The following SCARF1 variants were observed in gnomAD, a reference collection of about 807,000 sequenced individuals.
SCARF1 encodes acetyl LDL receptor.
Under a neutral mutation model 76.3 loss-of-function variants are expected in SCARF1, and 49 were observed. The ratio of observed to expected loss-of-function variants is 0.64; its 90% CI spans 0.51 to 0.81. The LOEUF is 0.81. Ranked by LOEUF, SCARF1 falls within the 40% of genes least tolerant of loss-of-function variation. SCARF1 has a pLI of 0.00. For synonymous variants in SCARF1, 495 were observed against 474.6 expected (o/e 1.04, Z -0.56); for missense variants, 1,098 against 1,143.9 (o/e 0.96, Z 0.58).
At position 1,643,040 on chromosome 17, in the gene SCARF1, T is replaced by C. The variant is rs114415419; in HGVS notation, c.791+402A>G. ...TCTCGTTCCTCTGCTTTGTATGTTT[T>C]TTGAGAGGAGCACCGCGAAGCCCTG... On this transcript the variant is annotated intron_variant, in intron 4 of 10. Transcript: ENST00000263071. 8.7e-4 allele frequency among the ~76,000 whole-genome samples: 133 copies of C among 152,260 alleles called. 1 individual carries two copies. Among genetic ancestry groups the C allele is most frequent in the African/African-American group, 3.1e-3 (127 of 41,540 alleles).
rs756814337 is a variant in SCARF1 at position 1,645,263 on chromosome 17, C to G, written c.102-24G>C. The stretch of plus-strand genomic sequence containing the variant: ...GGCTGTGGGGCAAAAAGGGGTCAGC[C>G]GGACATGGTGGGGGGTGCAGCCTGG... On this transcript the variant is annotated intron_variant, in intron 1 of 10. Coordinates refer to ENST00000263071, the MANE Select transcript of SCARF1 (RefSeq NM_003693.4). This position sits in a 1 kb window ranked among gnomAD's most constrained non-coding sequence, Gnocchi z 6.3. The G allele has an allele frequency of 1.2e-6, 2 of 1,611,498 alleles. No homozygotes were observed. Among genetic ancestry groups the G allele is most frequent in the African/African-American group, 2.7e-5 (2 of 74,844 alleles).
Position 1,645,653 on chromosome 17 carries a change from C to G in SCARF1, c.45G>C (p.Arg15=), listed in dbSNP as rs747902021. ...GGTCCAGCTCGGACCCCTGAGTCCCCCGAGTCCAGAGCAGCAGCAGCGGGA... is the reference window on the plus strand; with the variant it reads ...GGTCCAGCTCGGACCCCTGAGTCCCGCGAGTCCAGAGCAGCAGCAGCGGGA... ...LLLPLLLLWT[R]GTQGSELDPK... Residue 15 remains arginine (R), a synonymous_variant, in exon 1 of 11, where the codon CGG becomes CGC. Transcript: ENST00000263071. This position sits in a 1 kb window ranked among gnomAD's most constrained non-coding sequence, Gnocchi z 6.3. 6 of 1,608,772 alleles carry G rather than the reference C, an allele frequency of 3.7e-6. No individual in the cohort carries two copies. The highest frequency in any genetic ancestry group is 2.7e-5 in the African/African-American group (2 of 74,612).
In SCARF1 at chr17:1,634,409, G is replaced by T; in HGVS notation, c.*349C>A. ...GTCTCAAAAAAAAAAAAAAAAATTT[G>T]TTTAGCCAATCTTTTATCAGCAAAC... On this transcript the variant is annotated 3_prime_UTR_variant, in exon 11 of 11. Coordinates refer to ENST00000263071, the MANE Select transcript of SCARF1 (RefSeq NM_003693.4). The T allele has an allele frequency of 2.6e-6, 1 of 379,226 alleles. No homozygotes were observed. The highest frequency in any genetic ancestry group is 4.6e-6 in the Non-Finnish European group (1 of 216,220). The allele number at this position is 379,226 out of a possible 1,614,324, so 23.5% of individuals were successfully genotyped here. A position where few individuals can be genotyped will look rare whatever the true frequency, so the allele number is the denominator to read the frequency against.
chr17:1,636,148 C>T (rs1022130799), intron 10 of SCARF1, among the ~76,000 whole-genome samples: 11 of 152,290 alleles, frequency 7.2e-5, no homozygotes, highest in African/African-American at 2.4e-4. Context: ...TCGTCCCTGA[C>T]CCCAGTCACC....
chr17:1,643,887 C>A lies in SCARF1; in HGVS notation c.346G>T (p.Gly116Cys). 1 of 1,316,138 alleles carries A rather than the reference C, an allele frequency of 7.6e-7. No individual in the cohort carries two copies. Among genetic ancestry groups the A allele is most frequent in the South Asian group, 2.1e-5 (1 of 46,914 alleles). 81.5% of individuals were successfully genotyped at this position (1,316,138 alleles called of 1,614,324 possible). ...HPHGQCEPAT[G>C]ACQCQADRWG... ...CGGTCGGCCTGGCACTGGCACGCGCCCGTGGCTGGCTCGCACTGGCCGTGC... is the reference window on the plus strand; with the variant it reads ...CGGTCGGCCTGGCACTGGCACGCGCACGTGGCTGGCTCGCACTGGCCGTGC... Residue 116 changes from glycine to cysteine, a missense_variant, in exon 4 of 11, where the codon GGC becomes TGC. Gly to Cys is a radical substitution (Grantham distance 159). Coordinates refer to ENST00000263071, the MANE Select transcript of SCARF1 (RefSeq NM_003693.4).
In SCARF1 at chr17:1,645,638, G is replaced by A. The variant is rs751484235; in HGVS notation, c.60C>T (p.Ser20=). Residue 20 remains serine, a synonymous_variant, in exon 1 of 11, where the codon TCC becomes TCT. Coordinates refer to ENST00000263071, the MANE Select transcript of SCARF1 (RefSeq NM_003693.4). The surrounding 1 kb of genome is among the most constrained non-coding windows in gnomAD (Gnocchi z 6.3). The stretch of plus-strand genomic sequence containing the variant: ...CGTGCTGCCCTTTGGGGTCCAGCTC[G>A]GACCCCTGAGTCCCCCGAGTCCAGA... The part of the protein sequence containing the change: ...LLLWTRGTQG[S]ELDPKGQHVC... 13 of 1,608,486 alleles carry A rather than the reference G, an allele frequency of 8.1e-6. No homozygotes were observed. Among genetic ancestry groups the A allele is most frequent in the South Asian group, 5.5e-5 (5 of 90,724 alleles).
chr17:1,643,391 T>C, intron 4 of SCARF1, 51 bp downstream of exon 4: 1 of 620,274 alleles, frequency 1.6e-6, no homozygotes, highest in Non-Finnish European at 2.0e-6. Flanking sequence ...CCTGCTCACT[T>C]GTGTCCGCCC....
At position 1,645,639 on chromosome 17, in the gene SCARF1, G is replaced by T. The variant is rs1454177514; in HGVS notation, c.59C>A (p.Ser20Tyr). ...LLLWTRGTQG[S>Y]ELDPKGQHVC... ...GTGCTGCCCTTTGGGGTCCAGCTCG[G>T]ACCCCTGAGTCCCCCGAGTCCAGAG... The change falls in exon 1 of 11, where the codon TCC becomes TAC. Residue 20 changes from serine (S) to tyrosine (Y), a missense_variant. Ser to Tyr is a moderately radical substitution (Grantham distance 144, BLOSUM62 -2). Transcript: ENST00000263071. The surrounding 1 kb of genome is among the most constrained non-coding windows in gnomAD (Gnocchi z 6.3). The T allele has an allele frequency of 6.2e-7, 1 of 1,608,834 alleles. No homozygotes were observed. The highest frequency in any genetic ancestry group is 8.5e-7 in the Non-Finnish European group (1 of 1,179,460).
chr17:1,643,163 G>A (rs1458791860), intron 4 of SCARF1, among the ~76,000 whole-genome samples: 24 of 53,066 alleles, frequency 4.5e-4, no homozygotes, highest in Admixed American at 3.0e-3. Context: ...GTCCGCCTCC[G>A]CCCCCTCCCC....
intron 8 of SCARF1, chr17:1,638,569 A>C: frequency 2.7e-6 from 1 of 364,592 alleles, no homozygotes; most frequent in Non-Finnish European, 4.8e-6. Flanking sequence ...TCTCCAGGCC[A>C]CGGGCACTGC....
In SCARF1 at chr17:1,637,059, T is replaced by C; in HGVS notation, c.1368A>G (p.Pro456=). ...TGGACACGGTAGCTCCATCTCTCGC[T>C]GGCCTGAGGGAGGAGGGTAGGGACA... is the stretch of plus-strand genomic sequence containing the variant. ...WAPRSDLKDR[P]ARDGATVSRM... is the part of the protein sequence containing the mutation. Residue 456 remains proline (P), a synonymous_variant, in exon 9 of 11, where the codon CCA becomes CCG. Coordinates refer to ENST00000263071, the MANE Select transcript of SCARF1 (RefSeq NM_003693.4). 1 of 1,613,908 alleles carries C rather than the reference T, an allele frequency of 6.2e-7. No homozygotes were observed. Among genetic ancestry groups the C allele is most frequent in the South Asian group, 1.1e-5 (1 of 91,074 alleles).
chr17:1,645,271 G>A lies in SCARF1; in HGVS notation c.102-32C>T. Reference sequence around the variant, plus strand: ...GGCAAAAAGGGGTCAGCCGGACATGGTGGGGGGTGCAGCCTGGCCCTGAGG... The same window carrying A: ...GGCAAAAAGGGGTCAGCCGGACATGATGGGGGGTGCAGCCTGGCCCTGAGG... On this transcript the variant is annotated intron_variant, in intron 1 of 10. Transcript: ENST00000263071. The surrounding 1 kb of genome is among the most constrained non-coding windows in gnomAD (Gnocchi z 6.3). 1 of 1,610,274 alleles carries A rather than the reference G, an allele frequency of 6.2e-7. No homozygotes were observed. The highest frequency in any genetic ancestry group is 8.5e-7 in the Non-Finnish European group (1 of 1,179,084).
intron 3 of SCARF1, 25 bp from the exon 4 acceptor site, chr17:1,643,992 T>A (rs1910321933): frequency 6.5e-5 from 85 of 1,303,124 alleles, no homozygotes; most frequent in Non-Finnish European, 8.3e-5. Flanking sequence ...ACGGGAGGGG[T>A]CAGCGGGCTC....
chr17:1,638,653 C>G, intron 8 of SCARF1, 153 bp downstream of exon 8: 1 of 1,063,540 alleles, frequency 9.4e-7, no homozygotes, highest in Non-Finnish European at 1.3e-6. Flanking sequence ...CTCTGACCCA[C>G]GGGGGCGACA....
intron 4 of SCARF1, among the ~76,000 whole-genome samples, chr17:1,642,250 C>T (rs1051943670): frequency 4.0e-5 from 6 of 151,438 alleles, no homozygotes; most frequent in South Asian, 2.1e-4. Flanking sequence ...TAGTTACATA[C>T]GTATACATGT....
rs1445185000 is a variant in SCARF1, at chr17:1,640,386, G to A, written c.1010+62C>T. On this transcript the variant is annotated intron_variant, in intron 5 of 10. Coordinates refer to ENST00000263071, the MANE Select transcript of SCARF1 (RefSeq NM_003693.4). The surrounding 1 kb of genome is among the most constrained non-coding windows in gnomAD (Gnocchi z 4.7). ...GGGGAGGGTGGTGCTCTCGGAGAGA[G>A]CCGCTGAGCTGAGGGTCCTGGGGGA... 7.0e-6 allele frequency: 10 copies of A among 1,424,276 alleles called. No individual in the cohort carries two copies. Among genetic ancestry groups the A allele is most frequent in the Non-Finnish European group, 9.6e-6 (10 of 1,041,948 alleles). 88.2% of individuals were successfully genotyped at this position (1,424,276 alleles called of 1,614,324 possible). A position where few individuals can be genotyped will look rare whatever the true frequency, so the allele number is the denominator to read the frequency against.
In SCARF1 at chr17:1,644,663, C is replaced by CCCGGGAGATGACCTGAGTCA; in HGVS notation, c.265+170_265+171insTGACTCAGGTCATCTCCCGG. On this transcript the variant is annotated intron_variant, in intron 3 of 10. Coordinates refer to ENST00000263071, the MANE Select transcript of SCARF1 (RefSeq NM_003693.4). The surrounding 1 kb of genome is among the most constrained non-coding windows in gnomAD (Gnocchi z 4.8). ...AAAAACCCGGTGACTCAGGTCATCT[C>CCCGGGAGATGACCTGAGTCA]CCGGGAGTGTGTGTCACTTCCTGTC... is the stretch of plus-strand genomic sequence containing the variant. 1 of 657,818 alleles carries CCCGGGAGATGACCTGAGTCA rather than the reference C, an allele frequency of 1.5e-6. No homozygotes were observed. The highest frequency in any genetic ancestry group is 2.6e-6 in the Non-Finnish European group (1 of 378,082). 40.7% of individuals were successfully genotyped at this position (657,818 alleles called of 1,614,324 possible).
Position 1,638,878 on chromosome 17 carries a change from A to G in SCARF1, c.1292T>C (p.Leu431Pro), listed in dbSNP as rs1171486393. Residue 431 changes from leucine (L) to proline (P), a missense_variant, in exon 8 of 11, where the codon CTG becomes CCG. Transcript: ENST00000263071. ...TALIAGSLVP[L>P]LLLFLGLACC... The stretch of plus-strand genomic sequence containing the variant: ...GGCAAGGCCCAGGAAGAGCAGCAGC[A>G]GAGGCACAAGGCTGCCCGCGATGAG... The G allele has an allele frequency of 6.2e-7, 1 of 1,610,836 alleles. No individual in the cohort carries two copies. Among genetic ancestry groups the G allele is most frequent in the East Asian group, 2.2e-5 (1 of 44,760 alleles).
chr17:1,639,324 G>C (rs1909845151), intron 7 of SCARF1, among the ~76,000 whole-genome samples: 1 of 152,180 alleles, frequency 6.6e-6, no homozygotes, highest in Non-Finnish European at 1.5e-5. Flanking sequence ...TGGCCAACAT[G>C]GTGAAACCCT....
Sources: gnomAD v4.1 joint callset for allele counts (sites outside exome capture counted in the v4.1 genomes callset) on GRCh38, gnomAD v4.1.1 for gene constraint, Gnocchi (gnomAD v3.1) non-coding constraint, MANE v1.5 for transcripts, NCBI Gene and HGNC (gene_info 2026-07-23, HGNC 2026-07-21) for gene names.